The following SNX27 variants were observed in gnomAD, a reference collection of about 807,000 sequenced individuals.
SNX27 encodes the protein sorting nexin-27.
SNX27 carries 22 observed loss-of-function variants against 71.6 expected under a neutral mutation model. The ratio of observed to expected loss-of-function variants is 0.31; its 90% CI spans 0.22 to 0.44. The LOEUF (loss-of-function observed/expected upper bound fraction) is 0.44, where lower values mean the gene tolerates loss of function less well. Ranked by LOEUF, SNX27 falls within the 20% of genes least tolerant of loss-of-function variation. The probability of loss-of-function intolerance (pLI) is 1.00; values close to 1 mark genes in which losing one functional copy is unlikely to be tolerated. For synonymous variants in SNX27, 269 were observed against 277.2 expected (o/e 0.97, Z 0.29); for missense variants, 531 against 698.6 (o/e 0.76, Z 2.70).
chr1:151,660,004 G>A (rs1363562983), intron 3 of SNX27: 3 of 152,164 alleles, frequency 2.0e-5, no homozygotes, highest in African/African-American at 7.2e-5. Context: ...TTTCCCCATA[G>A]AAGGTAGTGG....
At position 151,651,402 on chromosome 1, in the gene SNX27, G is replaced by C. The variant is rs866565643; in HGVS notation, c.544-6833G>C. Reference sequence around the variant, plus strand: ...GGCTGACCCCCCCCACCTCCCTCCCGGACGGGGTGGCTGCCGGGCGGAGAC... The same window carrying C: ...GGCTGACCCCCCCCACCTCCCTCCCCGACGGGGTGGCTGCCGGGCGGAGAC... On this transcript the variant is annotated intron_variant, in intron 2 of 11. Coordinates refer to ENST00000458013, the MANE Select transcript of SNX27 (RefSeq NM_001330723.2). 3.0e-3 allele frequency among the ~76,000 whole-genome samples: 446 copies of C among 148,424 alleles called. 2 individuals are homozygous for C. The highest frequency in any genetic ancestry group is 5.9e-3 in the South Asian group (27 of 4,582).
chr1:151,612,264 C>G lies in SNX27; in HGVS notation c.63C>G (p.Gly21=). 1 of 1,448,722 alleles carries G rather than the reference C, an allele frequency of 6.9e-7. No homozygotes were observed. 89.7% of individuals were successfully genotyped at this position (1,448,722 alleles called of 1,614,324 possible). A position where few individuals can be genotyped will look rare whatever the true frequency, so the allele number is the denominator to read the frequency against. Reference sequence around the variant, plus strand: ...CCCCTCACAGGAACGGAGGTGGCGGCGGCGGCGGGGGGTCTGGGCTCCACT... The same window carrying G: ...CCCCTCACAGGAACGGAGGTGGCGGGGGCGGCGGGGGGTCTGGGCTCCACT... ...PSAPHRNGGG[G]GGGGSGLHCA... The change falls in exon 1 of 12, where the codon GGC becomes GGG. Residue 21 remains glycine (G), a synonymous_variant. Transcript: ENST00000458013. This position sits in a 1 kb window ranked among gnomAD's most constrained non-coding sequence, Gnocchi z 5.2.
At chr1:151,670,959 G>A (rs1349993187) in intron 7 of SNX27, among the ~76,000 whole-genome samples, 1 of 152,084 alleles carries the variant, frequency 6.6e-6, no homozygotes, top group Non-Finnish European at 1.5e-5. Context: ...TGTGACTTTT[G>A]TATATGGCAA....
Position 151,695,358 on chromosome 1 carries a change from T to C in SNX27, c.*941T>C, listed in dbSNP as rs1220494504. The stretch of plus-strand genomic sequence containing the variant: ...ACCCTGGCTCAGGAGGTTGATGCCA[T>C]GGGAACCTGAACCTGAAACACTTCA... On this transcript the variant is annotated 3_prime_UTR_variant, in exon 12 of 12. Transcript: ENST00000458013. 6.7e-6 allele frequency: 1 copy of C among 149,882 alleles called. No homozygotes were observed. Among genetic ancestry groups the C allele is most frequent in the Non-Finnish European group, 1.5e-5 (1 of 67,790 alleles). 9.3% of individuals were successfully genotyped at this position (149,882 alleles called of 1,614,324 possible).
chr1:151,628,691 G>A (rs887030045), intron 1 of SNX27, among the ~76,000 whole-genome samples: 2 of 152,144 alleles, frequency 1.3e-5, no homozygotes, highest in Admixed American at 1.3e-4. Flanking sequence ...TCTAATAGGC[G>A]TGTAGTGGTA....
At position 151,660,833 on chromosome 1, in the gene SNX27, A is replaced by G. The variant is rs146222009; in HGVS notation, c.772A>G (p.Met258Val). ...SIRVIGESDI[M>V]QEFLSESDEN... ...ACGAGTAATTGGTGAGAGTGACATC[A>G]TGCAGGAATTCCTATCAGAATCCGA... The change falls in exon 4 of 12, where the codon ATG becomes GTG. Residue 258 changes from methionine to valine, a missense_variant. Transcript: ENST00000458013. The G allele has an allele frequency of 4.0e-4, 641 of 1,612,998 alleles. 14 individuals are homozygous for G. In the East Asian group the frequency reaches 0.014, roughly 36 times the overall value.
At chr1:151,640,798 C>T (rs1231805684) in intron 2 of SNX27, among the ~76,000 whole-genome samples, 3 of 152,198 alleles carry the variant, frequency 2.0e-5, no homozygotes, top group African/African-American at 7.2e-5. Context: ...CCACCACCAC[C>T]ACCATGAAGA....
intron 8 of SNX27, among the ~76,000 whole-genome samples, chr1:151,687,608 C>G (rs1233821492): frequency 6.6e-6 from 1 of 152,124 alleles, no homozygotes; most frequent in Non-Finnish European, 1.5e-5. Context: ...TGGACCTTGA[C>G]CCATTCACCT....
rs1198939514 is a variant in SNX27 at position 151,698,104 on chromosome 1, A to C, written c.*3687A>C. On this transcript the variant is annotated 3_prime_UTR_variant, in exon 12 of 12. Coordinates refer to ENST00000458013, the MANE Select transcript of SNX27 (RefSeq NM_001330723.2). Reference sequence around the variant, plus strand: ...TGCTCAGGGCAGCTCCTAGGCCTGGACTGAGCTCTCAGGGGGGAATTAGAT... The same window carrying C: ...TGCTCAGGGCAGCTCCTAGGCCTGGCCTGAGCTCTCAGGGGGGAATTAGAT... The C allele has an allele frequency of 1.3e-5, 2 of 149,244 alleles. No individual in the cohort carries two copies. Among genetic ancestry groups the C allele is most frequent in the Non-Finnish European group, 2.9e-5 (2 of 68,048 alleles). The allele number at this position is 149,244 out of a possible 1,614,324, so 9.2% of individuals were successfully genotyped here. A position where few individuals can be genotyped will look rare whatever the true frequency, so the allele number is the denominator to read the frequency against.
At chr1:151,637,476 C>T (rs937336012) in intron 1 of SNX27, among the ~76,000 whole-genome samples, 1 of 152,212 alleles carries the variant, frequency 6.6e-6, no homozygotes, top group Non-Finnish European at 1.5e-5. Context: ...CCGCGCCCGG[C>T]GCCTGATCAT....
chr1:151,637,219 C>T (rs1220000252), intron 1 of SNX27, among the ~76,000 whole-genome samples: 3 of 132,786 alleles, frequency 2.3e-5, no homozygotes, highest in Non-Finnish European at 3.1e-5. Flanking sequence ...GGCTGGAGTG[C>T]GGAGTGCAGA....
intron 2 of SNX27, among the ~76,000 whole-genome samples, chr1:151,649,259 C>T (rs964008446): frequency 3.3e-5 from 5 of 151,836 alleles, no homozygotes; most frequent in African/African-American, 4.8e-5. Context: ...TGTGTCTGGC[C>T]GATTTTTTAA....
chr1:151,684,304 C>G (rs1017865025), intron 8 of SNX27, among the ~76,000 whole-genome samples: 1 of 152,136 alleles, frequency 6.6e-6, no homozygotes, highest in Non-Finnish European at 1.5e-5. Context: ...AAATTCAGTT[C>G]TCTAGCTGCT....
intron 1 of SNX27, among the ~76,000 whole-genome samples, chr1:151,616,551 T>C (rs904076105): frequency 5.9e-5 from 9 of 152,250 alleles, no homozygotes; most frequent in Admixed American, 1.3e-4. Context: ...AAGTCAGTTT[T>C]TTAACTTCAT....
intron 2 of SNX27, among the ~76,000 whole-genome samples, chr1:151,640,871 T>C (rs1668690701): frequency 6.6e-6 from 1 of 152,184 alleles, no homozygotes; most frequent in Admixed American, 6.6e-5. Flanking sequence ...CCTCACCCCT[T>C]ACCACTGCCC....
chr1:151,685,513 C>G (rs1558074279), intron 8 of SNX27: 1 of 152,208 alleles, frequency 6.6e-6, no homozygotes, highest in Non-Finnish European at 1.5e-5. Context: ...GAAACCCCAT[C>G]TGTACTAAAA....
In SNX27 at chr1:151,667,684, G is replaced by A. The variant is rs551811912; in HGVS notation, c.986-788G>A. On this transcript the variant is annotated intron_variant, in intron 6 of 11. Transcript: ENST00000458013. ...ACTAAAAAAATACAAAAAATTAGCCGGGCGTAGTGGCGGGCGCCTGTAGTC... is the reference window on the plus strand; with the variant it reads ...ACTAAAAAAATACAAAAAATTAGCCAGGCGTAGTGGCGGGCGCCTGTAGTC... 1.8e-3 allele frequency among the ~76,000 whole-genome samples: 268 copies of A among 151,828 alleles called. 1 individual carries two copies. The highest frequency in any genetic ancestry group is 3.0e-3 in the Non-Finnish European group (202 of 67,936).
intron 7 of SNX27, chr1:151,679,672 G>C (rs947078300): frequency 6.6e-6 from 1 of 152,202 alleles, no homozygotes; most frequent in Non-Finnish European, 1.5e-5. Context: ...TTTAACCTCA[G>C]AGGAAATAAA....
Position 151,683,458 on chromosome 1 carries a change from C to T in SNX27, c.1239+13C>T, listed in dbSNP as rs746960920. 1.9e-6 allele frequency: 3 copies of T among 1,589,682 alleles called. No homozygotes were observed. Among genetic ancestry groups the T allele is most frequent in the Non-Finnish European group, 2.6e-6 (3 of 1,163,412 alleles). On this transcript the variant is annotated intron_variant, in intron 8 of 11. Transcript: ENST00000458013. ...AAAAATGGTCATGGTAAGTTTATGT[C>T]CCCATAATCCCTTTAAAAATGCCCC...
Sources: allele counts gnomAD v4.1 joint callset (sites outside exome capture counted in the v4.1 genomes callset), GRCh38; gene constraint gnomAD v4.1.1; non-coding constraint Gnocchi (gnomAD v3.1); transcripts MANE v1.5; gene names NCBI Gene and HGNC (gene_info 2026-07-23, HGNC 2026-07-21).